Variants in SPAG1 observed in about 807,000 individuals in gnomAD.
SPAG1 encodes sperm associated antigen 1.
A neutral mutation model predicts 100.5 loss-of-function variants in SPAG1; 69 were observed. The observed-to-expected ratio is 0.69, with a 90% CI of 0.57 to 0.84. The LOEUF is 0.84. Among genes scored for constraint, SPAG1 ranks in the 40% least tolerant of loss-of-function variants. The pLI is 0.00. For synonymous variants in SPAG1, 336 were observed against 411.6 expected, an observed-to-expected ratio of 0.82 and a Z score of 2.22; for missense variants, 955 against 1,133.1, an observed-to-expected ratio of 0.84 and a Z score of 2.26.
intron 12 of SPAG1, among the ~76,000 whole-genome samples, chr8:100,214,525 C>G (rs1817880028): frequency 6.6e-6 from 1 of 152,182 alleles, no homozygotes; most frequent in South Asian, 2.1e-4. Context: ...CCTGTAACAC[C>G]TACACTGACA....
chr8:100,210,904 T>C (rs1465181854), intron 10 of SPAG1, among the ~76,000 whole-genome samples: 1 of 151,714 alleles, frequency 6.6e-6, no homozygotes, highest in Non-Finnish European at 1.5e-5. Context: ...CTTGGCTCAC[T>C]GCAACCTCCA....
chr8:100,216,485 T>C (rs1411448540), intron 12 of SPAG1, among the ~76,000 whole-genome samples: 1 of 152,142 alleles, frequency 6.6e-6, no homozygotes, highest in East Asian at 1.9e-4. Context: ...ACTCCAGCCA[T>C]GGTGTCCAGG....
chr8:100,175,590 G>A (rs979645418), intron 3 of SPAG1, among the ~76,000 whole-genome samples: 1 of 152,042 alleles, frequency 6.6e-6, no homozygotes, highest in Non-Finnish European at 1.5e-5. Flanking sequence ...CAGCTAGCAC[G>A]CAGTAAAGTT....
chr8:100,168,559 ATT>A (rs552968507), intron 3 of SPAG1, among the ~76,000 whole-genome samples: 37 of 136,942 alleles, frequency 2.7e-4, no homozygotes, highest in African/African-American at 8.7e-4. Context: ...ACACCTGGCT[ATT>A]TTTTTTTTTT....
intron 10 of SPAG1, among the ~76,000 whole-genome samples, chr8:100,202,709 CAAAAAAA>C (rs750153561): frequency 2.5e-4 from 7 of 27,452 alleles, no homozygotes; most frequent in South Asian, 1.4e-3. Flanking sequence ...GACTCCGTCT[CAAAAAAA>C]AAAAAAAAAA....
intron 1 of SPAG1, 130 bp downstream of exon 1, chr8:100,158,746 A>G (rs914087629): frequency 4.6e-5 from 7 of 152,194 alleles, no homozygotes; most frequent in African/African-American, 1.4e-4. Flanking sequence ...GAAGAGTTCT[A>G]AAGTATTGTA....
intron 3 of SPAG1, among the ~76,000 whole-genome samples, chr8:100,168,362 TA>T (rs141018025): frequency 0.022 from 3,261 of 151,292 alleles, 102 homozygotes; most frequent in African/African-American, 0.072. Context: ...CTTTGCCCGT[TA>T]AAAAAAAATT....
In SPAG1 at chr8:100,231,159, A is replaced by G; in HGVS notation, c.1859A>G (p.Glu620Gly). ...TCTTTGTTTTTTTGTCCCATAGATG[A>G]AAAAACATTTAAAGCCCTTAAGGAA... ...SSHRQQGITDEKTFKALKEEG... is the reference protein window; with the variant it reads ...SSHRQQGITDGKTFKALKEEG... The change falls in exon 15 of 19, where the codon GAA becomes GGA. Residue 620 changes from glutamate (E) to glycine (G), a missense_variant. Glu to Gly is a moderately conservative substitution (Grantham distance 98). Coordinates refer to ENST00000388798, the MANE Select transcript of SPAG1 (RefSeq NM_003114.5). The G allele has an allele frequency of 1.3e-6, 2 of 1,599,130 alleles. No homozygotes were observed. The highest frequency in any genetic ancestry group is 1.1e-5 in the South Asian group (1 of 88,602).
intron 9 of SPAG1, among the ~76,000 whole-genome samples, chr8:100,191,802 C>T (rs936877624): frequency 3.9e-5 from 6 of 151,952 alleles, no homozygotes; most frequent in Non-Finnish European, 8.8e-5. Context: ...AGGTACCTTC[C>T]TAGGTAGGAT....
intron 3 of SPAG1, among the ~76,000 whole-genome samples, chr8:100,168,002 G>A (rs1815640921): frequency 6.6e-6 from 1 of 152,218 alleles, no homozygotes; most frequent in Admixed American, 6.5e-5. Context: ...TTGCTCCTCT[G>A]AGTTGCTAAG....
chr8:100,168,409 CTTT>C (rs1323583013), intron 3 of SPAG1, among the ~76,000 whole-genome samples: 1 of 151,992 alleles, frequency 6.6e-6, no homozygotes, highest in Admixed American at 6.6e-5. Context: ...AATAATTGTT[CTTT>C]ATCAGATACG....
chr8:100,195,395 G>A (rs1816992581), intron 10 of SPAG1, among the ~76,000 whole-genome samples: 1 of 151,956 alleles, frequency 6.6e-6, no homozygotes, highest in Non-Finnish European at 1.5e-5. Flanking sequence ...ATTTTTTTAA[G>A]TGACAAAAAA....
chr8:100,189,308 T>C (rs1426061141), intron 8 of SPAG1, among the ~76,000 whole-genome samples: 1 of 151,934 alleles, frequency 6.6e-6, no homozygotes, highest in Non-Finnish European at 1.5e-5. Flanking sequence ...AAACTCCATC[T>C]CTACTAAAAA....
rs1452810949 is a variant in SPAG1, at chr8:100,191,467, G to A, written c.910G>A (p.Asp304Asn). ...TACAGAAGATTTGAGTAAAGTACTA[G>A]ATGTTGAGCCTGATAATGATTTGGC... Reference protein sequence around the residue: ...EATEDLSKVLDVEPDNDLAKK... With the variant: ...EATEDLSKVLNVEPDNDLAKK... The change falls in exon 9 of 19, where the codon GAT (aspartate) becomes AAT (asparagine). Residue 304 changes from aspartate (D) to asparagine (N), a missense_variant. By Grantham distance (23) the Asp-to-Asn change is conservative (BLOSUM62 1). Coordinates refer to ENST00000388798, the MANE Select transcript of SPAG1 (RefSeq NM_003114.5). 1 of 1,613,506 alleles carries A rather than the reference G, an allele frequency of 6.2e-7. No individual in the cohort carries two copies. Among genetic ancestry groups the A allele is most frequent in the East Asian group, 2.2e-5 (1 of 44,862 alleles).
At chr8:100,217,839 A>G (rs938320164) in intron 12 of SPAG1, among the ~76,000 whole-genome samples, 1 of 151,968 alleles carries the variant, frequency 6.6e-6, no homozygotes, top group South Asian at 2.1e-4. Flanking sequence ...TTGGAGTGCA[A>G]TGGCATGATC....
chr8:100,170,798 GCCAT>G (rs1449621999), intron 3 of SPAG1, among the ~76,000 whole-genome samples: 4 of 140,796 alleles, frequency 2.8e-5, no homozygotes, highest in Admixed American at 7.5e-5. Flanking sequence ...TTTCCAGTCT[GCCAT>G]TTATTTATTT....
intron 4 of SPAG1, among the ~76,000 whole-genome samples, chr8:100,181,904 A>G (rs1816382557): frequency 6.6e-6 from 1 of 152,170 alleles, no homozygotes; most frequent in Non-Finnish European, 1.5e-5. Flanking sequence ...TCATCTTAGC[A>G]TTGAGAACAT....
rs114824911 is a variant in SPAG1 at position 100,178,259 on chromosome 8, C to T, written c.426+318C>T. 4.1e-3 allele frequency among the ~76,000 whole-genome samples: 619 copies of T among 151,466 alleles called. 5 individuals carry two copies. Among genetic ancestry groups the T allele is most frequent in the African/African-American group, 0.014 (575 of 41,212 alleles). On this transcript the variant is annotated intron_variant, in intron 4 of 18. Coordinates refer to ENST00000388798, the MANE Select transcript of SPAG1 (RefSeq NM_003114.5). ...TTTGATGAGAGCAAAAGGTCTGATT[C>T]AGTGTGTGAAAATTTCAGGGAACAA...
At chr8:100,222,639 G>C (rs185382267) in intron 13 of SPAG1, among the ~76,000 whole-genome samples, 35 of 152,322 alleles carry the variant, frequency 2.3e-4, no homozygotes, top group Admixed American at 5.9e-4. Context: ...TGGCAGAGAG[G>C]AGGGCCTGAT....
Sources: gnomAD v4.1 joint callset for allele counts (sites outside exome capture counted in the v4.1 genomes callset) on GRCh38, gnomAD v4.1.1 for gene constraint, MANE v1.5 for transcripts, NCBI Gene and HGNC (gene_info 2026-07-23, HGNC 2026-07-21) for gene names.